Variants in CDH20 observed in about 807,000 individuals in gnomAD.
CDH20 encodes cadherin 20, also known as cadherin-20.
A neutral mutation model predicts 74.2 loss-of-function variants in CDH20; 29 were observed. The observed-to-expected ratio is 0.39, with a 90% confidence interval of 0.29 to 0.53. The LOEUF (loss-of-function observed/expected upper bound fraction) is 0.53. Ranked by LOEUF, CDH20 falls within the 20% of genes least tolerant of loss-of-function variation. The pLI, the probability that CDH20 is intolerant of heterozygous loss-of-function variation, is 0.69. For missense variants in CDH20, 988 were observed against 1,048.3 expected (o/e 0.94, Z 0.79); for synonymous variants, 469 against 405.4 (o/e 1.16, Z -1.88).
chr18:61,441,770 A>G (rs1225296088), intron 1 of CDH20, among the ~76,000 whole-genome samples: 1 of 152,168 alleles, frequency 6.6e-6, no homozygotes, highest in Admixed American at 6.5e-5. Flanking sequence ...TTTCATTTGT[A>G]CAATGTGTGT....
intron 1 of CDH20, among the ~76,000 whole-genome samples, chr18:61,375,769 C>T (rs937857828): frequency 6.6e-6 from 1 of 151,768 alleles, no homozygotes; most frequent in Non-Finnish European, 1.5e-5. Context: ...CAGACACTGC[C>T]CTTAAATTTT....
chr18:61,454,854 T>C (rs1909519598), intron 1 of CDH20, among the ~76,000 whole-genome samples: 1 of 152,176 alleles, frequency 6.6e-6, no homozygotes, highest in Admixed American at 6.5e-5. Context: ...GTCCCCATTG[T>C]GGTAAGGTGT....
chr18:61,403,051 C>T (rs1912208591), intron 1 of CDH20, among the ~76,000 whole-genome samples: 1 of 152,002 alleles, frequency 6.6e-6, no homozygotes, highest in Non-Finnish European at 1.5e-5. Context: ...TTTTATGATC[C>T]CAGGATGAAT....
intron 1 of CDH20, among the ~76,000 whole-genome samples, chr18:61,483,545 T>TTGC (rs897469312): frequency 4.6e-5 from 7 of 152,360 alleles, no homozygotes; most frequent in Admixed American, 3.9e-4. Flanking sequence ...ATTGCTTCTG[T>TTGC]TGCTGCTGCT....
intron 1 of CDH20, among the ~76,000 whole-genome samples, chr18:61,409,584 C>T (rs377752786): frequency 5.9e-5 from 9 of 152,148 alleles, no homozygotes; most frequent in African/African-American, 2.2e-4. Context: ...GACATAATGC[C>T]TCCACACAGT....
intron 6 of CDH20, among the ~76,000 whole-genome samples, chr18:61,522,228 A>G (rs1018475297): frequency 2.6e-5 from 4 of 152,224 alleles, no homozygotes; most frequent in African/African-American, 9.6e-5. Flanking sequence ...AAGTCTCAGG[A>G]TACAAAATCA....
At chr18:61,518,342 G>A (rs1912078576) in intron 6 of CDH20, among the ~76,000 whole-genome samples, 1 of 152,208 alleles carries the variant, frequency 6.6e-6, no homozygotes, top group South Asian at 2.1e-4. Flanking sequence ...CTGAGCAGGG[G>A]TCAACAGACA....
chr18:61,472,273 G>T (rs7244273), intron 1 of CDH20, among the ~76,000 whole-genome samples: 55,588 of 151,640 alleles, frequency 0.37, 10,528 homozygotes, highest in Middle Eastern at 0.57. Flanking sequence ...CAACTTGGGG[G>T]CTGGCTGGGT....
At chr18:61,529,099 T>C (rs1250188263) in intron 7 of CDH20, among the ~76,000 whole-genome samples, 2 of 152,290 alleles carry the variant, frequency 1.3e-5, no homozygotes, top group South Asian at 2.1e-4. Context: ...TGCAAATAGT[T>C]GATGGACAGG....
chr18:61,360,837 A>G (rs1434675273), intron 1 of CDH20, among the ~76,000 whole-genome samples: 1 of 152,232 alleles, frequency 6.6e-6, no homozygotes, highest in East Asian at 1.9e-4. Flanking sequence ...AGCATTTGCT[A>G]AAGTGGCCAT....
At chr18:61,542,389 T>C (rs559694541) in intron 9 of CDH20, among the ~76,000 whole-genome samples, 151 of 152,280 alleles carry the variant, frequency 9.9e-4, no homozygotes, top group African/African-American at 3.1e-3. Context: ...AGTTCCAGTA[T>C]AAGGTGTTTA....
At chr18:61,336,332 G>T (rs1460737827) in intron 1 of CDH20, among the ~76,000 whole-genome samples, 4 of 152,140 alleles carry the variant, frequency 2.6e-5, no homozygotes, top group Admixed American at 2.6e-4. Context: ...ACTTTGGATT[G>T]GTATTAACTT....
intron 1 of CDH20, among the ~76,000 whole-genome samples, chr18:61,367,355 AACTC>A (rs1910895231): frequency 6.6e-6 from 1 of 152,198 alleles, no homozygotes; most frequent in Non-Finnish European, 1.5e-5. Context: ...AGAGAAATTA[AACTC>A]ACTCACTGTA....
chr18:61,493,827 C>A (rs1169523288), intron 2 of CDH20, among the ~76,000 whole-genome samples: 1 of 152,180 alleles, frequency 6.6e-6, no homozygotes, highest in East Asian at 1.9e-4. Flanking sequence ...TTGTATTCAG[C>A]AATTTTCAGT....
At chr18:61,540,536 C>T (rs1912994884) in intron 9 of CDH20, among the ~76,000 whole-genome samples, 2 of 152,116 alleles carry the variant, frequency 1.3e-5, no homozygotes, top group Admixed American at 1.3e-4. Flanking sequence ...AAGGGAAACC[C>T]CTTATAAAAC....
chr18:61,375,340 G>A (rs527658771), intron 1 of CDH20, among the ~76,000 whole-genome samples: 1 of 152,300 alleles, frequency 6.6e-6, no homozygotes, highest in South Asian at 2.1e-4. Context: ...GAATTCTGCA[G>A]GGTTCATCCT....
chr18:61,488,381 A>G (rs565503105), intron 1 of CDH20, among the ~76,000 whole-genome samples: 1 of 152,268 alleles, frequency 6.6e-6, no homozygotes, highest in Non-Finnish European at 1.5e-5. Flanking sequence ...GCTTAGCTCC[A>G]TGATTTTTAC....
At chr18:61,502,842 G>A (rs778791444) in intron 4 of CDH20, 111 bp from the exon 5 acceptor site, 6 of 789,158 alleles carry the variant, frequency 7.6e-6, no homozygotes, top group Non-Finnish European at 1.2e-5. Context: ...CAGGTGACTT[G>A]CACCTCACTT....
At chr18:61,490,348 C>T (rs762132097) in intron 1 of CDH20, 54 bp from the exon 2 acceptor site, 15 of 526,254 alleles carry the variant, frequency 2.9e-5, no homozygotes, top group Non-Finnish European at 4.4e-5. Context: ...ACTTGCAACC[C>T]GCCTGCAGGA....
Sources: gnomAD v4.1 joint callset for allele counts (sites outside exome capture counted in the v4.1 genomes callset) on GRCh38, gnomAD v4.1.1 for gene constraint, MANE v1.5 for transcripts, NCBI Gene and HGNC (gene_info 2026-07-23, HGNC 2026-07-21) for gene names.